RNLS: variants seen among roughly 807,000 people sequenced by gnomAD.
RNLS encodes renalase.
RNLS carries 39 observed loss-of-function variants against 39.8 expected under a neutral mutation model. That is an observed-to-expected ratio of 0.98 (90% CI 0.76 to 1.28). RNLS has a LOEUF of 1.28. Among genes scored for constraint, RNLS ranks in the 50% most tolerant of loss-of-function variants. The pLI is 0.00. For missense variants in RNLS, 410 were observed against 413.3 expected (o/e 0.99, Z 0.07); for synonymous variants, 147 against 150.7 (o/e 0.98, Z 0.18).
At chr10:88,495,858 T>C (rs2576172) in intron 4 of RNLS, among the ~76,000 whole-genome samples, 43,609 of 152,032 alleles carry the variant, frequency 0.29, 7,565 homozygotes, top group East Asian at 0.46. Flanking sequence ...TTTTTTCTTT[T>C]GGTTCAGGAT....
rs1319757055 is a variant in RNLS at position 88,524,978 on chromosome 10, TATATATATATATATATATATAC to T, written c.526+47903_526+47924del. On this transcript the variant is annotated intron_variant, in intron 4 of 6. Coordinates refer to ENST00000331772, the MANE Select transcript of RNLS (RefSeq NM_001031709.3). ...ACACATACATATATATATATATATA[TATATATATATATATATATATAC>T]ACACACACACATACTATGTACCCAC... 2.2e-4 allele frequency among the ~76,000 whole-genome samples: 29 copies of T among 132,026 alleles called. 1 individual carries two copies. The highest frequency in any genetic ancestry group is 6.9e-4 in the African/African-American group (25 of 36,470). The allele number at this position is 132,026 out of a possible 152,430, so 86.6% of individuals were successfully genotyped here. A position where few individuals can be genotyped will look rare whatever the true frequency, so the allele number is the denominator to read the frequency against.
intron 6 of RNLS, among the ~76,000 whole-genome samples, chr10:88,305,231 T>C (rs1439398456): frequency 6.6e-6 from 1 of 152,144 alleles, no homozygotes; most frequent in African/African-American, 2.4e-5. Flanking sequence ...GAAAGACGGT[T>C]ACCAGCCATT....
At chr10:88,343,687 A>T in intron 5 of RNLS, 1 of 985,394 alleles carries the variant, frequency 1.0e-6, no homozygotes, top group African/African-American at 1.7e-5. Flanking sequence ...GTGAGACTGC[A>T]TATATTTCAG....
At chr10:88,367,849 G>A (rs1481858938) in intron 4 of RNLS, among the ~76,000 whole-genome samples, 1 of 151,640 alleles carries the variant, frequency 6.6e-6, no homozygotes, top group African/African-American at 2.4e-5. Flanking sequence ...TTTTCTTTTG[G>A]GCTGTCTTTT....
chr10:88,203,456 G>GTATATATATA, the RNLS span, among the ~76,000 whole-genome samples: 3 of 1,204 alleles, frequency 2.5e-3, no homozygotes, highest in East Asian at 8.6e-3. Flanking sequence ...GTGTGTGTGT[G>GTATATATATA]TATATATATA....
intron 6 of RNLS, among the ~76,000 whole-genome samples, chr10:88,302,649 A>G (rs1844611012): frequency 6.6e-6 from 1 of 152,222 alleles, no homozygotes; most frequent in Non-Finnish European, 1.5e-5. Flanking sequence ...CAAAGACCTG[A>G]TCCAACTGAT....
chr10:88,412,046 G>T (rs969646026), intron 4 of RNLS, among the ~76,000 whole-genome samples: 1 of 152,006 alleles, frequency 6.6e-6, no homozygotes, highest in African/African-American at 2.4e-5. Flanking sequence ...ACAGGTCACT[G>T]GATTCCACTG....
intron 5 of RNLS, among the ~76,000 whole-genome samples, chr10:88,324,649 C>T (rs186050299): frequency 1.3e-5 from 2 of 152,052 alleles, no homozygotes; most frequent in African/African-American, 4.8e-5. Context: ...TTACTAGAAG[C>T]CCAAACGCCA....
chr10:88,565,355 T>C (rs1849431698), intron 4 of RNLS, among the ~76,000 whole-genome samples: 1 of 152,136 alleles, frequency 6.6e-6, no homozygotes, highest in South Asian at 2.1e-4. Flanking sequence ...TAAGAGCTGA[T>C]TTTTCTCCAG....
Position 88,353,795 on chromosome 10 carries a change from G to A in RNLS, c.700+8757C>T, listed in dbSNP as rs117176823. Among the ~76,000 whole-genome samples the A allele has an allele frequency of 8.1e-3, 1,233 of 152,226 alleles. 20 individuals are homozygous for A. Among genetic ancestry groups the A allele is most frequent in the South Asian group, 0.029 (140 of 4,816 alleles). ...AAGTTTCTGTCTCGTTGATCTATCT[G>A]ATGTTGACAATGAGGTGTTAAATCT... On this transcript the variant is annotated intron_variant, in intron 5 of 6. Transcript: ENST00000331772.
At chr10:88,370,120 T>C (rs889791112) in intron 4 of RNLS, among the ~76,000 whole-genome samples, 1 of 152,196 alleles carries the variant, frequency 6.6e-6, no homozygotes, top group Non-Finnish European at 1.5e-5. Context: ...TGAAACATTA[T>C]ACTCTCAGGC....
chr10:88,570,379 A>T (rs181458081), intron 4 of RNLS, among the ~76,000 whole-genome samples: 2 of 152,344 alleles, frequency 1.3e-5, no homozygotes, highest in Admixed American at 1.3e-4. Context: ...GAGAATGTGA[A>T]GAAGTAATAC....
intron 3 of RNLS, among the ~76,000 whole-genome samples, chr10:88,575,813 A>T (rs562341213): frequency 6.6e-6 from 1 of 152,078 alleles, no homozygotes; most frequent in South Asian, 2.1e-4. Context: ...CTTAGAGTAT[A>T]AAATCTTTAA....
the RNLS span, among the ~76,000 whole-genome samples, chr10:88,241,004 T>C: frequency 2.7e-5 from 4 of 150,840 alleles, no homozygotes; most frequent in Admixed American, 2.0e-4. Flanking sequence ...GATTTTCTTA[T>C]GTTAAATTCT....
chr10:88,309,269 A>G, intron 6 of RNLS: 1 of 314,842 alleles, frequency 3.2e-6, no homozygotes, highest in Non-Finnish European at 4.6e-6. Flanking sequence ...GTACCCCTGA[A>G]CTTAAAAGTT....
chr10:88,373,774 T>C (rs990475331), intron 4 of RNLS, among the ~76,000 whole-genome samples: 1 of 152,080 alleles, frequency 6.6e-6, no homozygotes, highest in Non-Finnish European at 1.5e-5. Context: ...AAATGGGTGA[T>C]TGAAATAGGT....
intron 4 of RNLS, among the ~76,000 whole-genome samples, chr10:88,368,692 GGTTA>G (rs1418923689): frequency 2.0e-5 from 3 of 151,870 alleles, no homozygotes; most frequent in African/African-American, 7.3e-5. Flanking sequence ...TGCATAATTT[GGTTA>G]ATCGTTTCAT....
At chr10:88,189,433 A>G in the RNLS span, among the ~76,000 whole-genome samples, 3 of 152,218 alleles carry the variant, frequency 2.0e-5, no homozygotes, top group Non-Finnish European at 4.4e-5. Flanking sequence ...ATTTTGCTAT[A>G]TAGAAAACTT....
At chr10:88,572,771 G>A (rs2134446627) in intron 4 of RNLS, 132 bp downstream of exon 4, 2 of 872,784 alleles carry the variant, frequency 2.3e-6, no homozygotes, top group East Asian at 2.7e-5. Context: ...ACGGCCGTAA[G>A]TATCAGTTTT....
Sources: gnomAD v4.1 joint callset for allele counts (sites outside exome capture counted in the v4.1 genomes callset) on GRCh38, gnomAD v4.1.1 for gene constraint, MANE v1.5 for transcripts, NCBI Gene and HGNC (gene_info 2026-07-23, HGNC 2026-07-21) for gene names.